The following MVB12B variants were observed in gnomAD, a reference collection of about 807,000 sequenced individuals.
MVB12B encodes multivesicular body subunit 12B, also known as ESCRT-I complex subunit MVB12B.
Under a neutral mutation model 41.6 loss-of-function variants are expected in MVB12B, and 16 were observed. The observed-to-expected ratio is 0.38, with a 90% CI of 0.26 to 0.58. MVB12B has a LOEUF of 0.58. MVB12B is among the 20% of genes least tolerant of loss of function. The pLI, the probability that MVB12B is intolerant of heterozygous loss-of-function variation, is 0.62. For synonymous variants in MVB12B, 133 were observed against 139.7 expected, an observed-to-expected ratio of 0.95 and a Z score of 0.34; for missense variants, 274 against 380.2, an observed-to-expected ratio of 0.72 and a Z score of 2.32.
chr9:126,441,706 A>G (rs1832644849), intron 7 of MVB12B, among the ~76,000 whole-genome samples: 1 of 144,018 alleles, frequency 6.9e-6, no homozygotes, highest in South Asian at 2.3e-4. Context: ...TTTCCCTAAT[A>G]GCTACAAAAC....
intron 3 of MVB12B, among the ~76,000 whole-genome samples, chr9:126,384,413 G>A (rs1421588889): frequency 6.6e-6 from 1 of 152,012 alleles, no homozygotes; most frequent in Non-Finnish European, 1.5e-5. Flanking sequence ...CTAATAATTG[G>A]TTTCATTTGT....
Position 126,386,306 on chromosome 9 carries a change from C to T in MVB12B, c.313-256C>T, listed in dbSNP as rs1830790466. Among the ~76,000 whole-genome samples the T allele has an allele frequency of 6.6e-6, 1 of 152,156 alleles. No individual in the cohort carries two copies. Among genetic ancestry groups the T allele is most frequent in the African/African-American group, 2.4e-5 (1 of 41,418 alleles). ...TGCTGGGTTATGTCTAAAGCATCTCCTGGGTTGCTCCTGCCTCACCAAGGC... is the reference window on the plus strand; with the variant it reads ...TGCTGGGTTATGTCTAAAGCATCTCTTGGGTTGCTCCTGCCTCACCAAGGC... On this transcript the variant is annotated intron_variant, in intron 3 of 9. Coordinates refer to ENST00000361171, the MANE Select transcript of MVB12B (RefSeq NM_033446.3). The surrounding 1 kb of genome is among the most constrained non-coding windows in gnomAD (Gnocchi z 4.3).
At position 126,477,953 on chromosome 9, in the gene MVB12B, TC is replaced by T. The variant is rs1298724358; in HGVS notation, c.758-3414del. 1.3e-5 allele frequency among the ~76,000 whole-genome samples: 2 copies of T among 152,096 alleles called. 1 individual carries two copies. The highest frequency in any genetic ancestry group is 2.9e-5 in the Non-Finnish European group (2 of 68,014). ...TTACGGGACCACCTATGTTTCTAGA[TC>T]CTTCTCTTTCAAAGACGTGATCATC... On this transcript the variant is annotated intron_variant, in intron 7 of 9. Coordinates refer to ENST00000361171, the MANE Select transcript of MVB12B (RefSeq NM_033446.3).
rs573103731 is a variant in MVB12B at position 126,423,000 on chromosome 9, C to T, written c.757+1052C>T. On this transcript the variant is annotated intron_variant, in intron 7 of 9. Coordinates refer to ENST00000361171, the MANE Select transcript of MVB12B (RefSeq NM_033446.3). ...CCAGGCTCTCCAAGGGGAGAGGGAACGTGTTTGTCTAAGAACAGCATCTCC... is the reference window on the plus strand; with the variant it reads ...CCAGGCTCTCCAAGGGGAGAGGGAATGTGTTTGTCTAAGAACAGCATCTCC... Among the ~76,000 whole-genome samples, 149 of 152,178 alleles carry T rather than the reference C, an allele frequency of 9.8e-4. 1 individual carries two copies. Among genetic ancestry groups the T allele is most frequent in the Middle Eastern group, 6.8e-3 (2 of 294 alleles).
intron 6 of MVB12B, among the ~76,000 whole-genome samples, chr9:126,402,557 C>T (rs1428330352): frequency 6.6e-6 from 1 of 152,162 alleles, no homozygotes; most frequent in Non-Finnish European, 1.5e-5. Flanking sequence ...GTGAGAGGAT[C>T]ACTTGAGCCC....
intron 1 of MVB12B, among the ~76,000 whole-genome samples, chr9:126,336,611 C>A (rs1208142537): frequency 6.6e-6 from 1 of 152,208 alleles, no homozygotes; most frequent in Non-Finnish European, 1.5e-5. Flanking sequence ...TTGCTCCTGG[C>A]TTTGTTGTGT....
chr9:126,503,224 G>T lies in MVB12B; in HGVS notation c.921G>T (p.Pro307=). The T allele has an allele frequency of 6.4e-7, 1 of 1,550,568 alleles. No homozygotes were observed. The highest frequency in any genetic ancestry group is 8.7e-7 in the Non-Finnish European group (1 of 1,146,980). ...AGCAGAGCGCAGCCGCCAGGCTCCC[G>T]CCCAGCCCCACCAGGTGTCAGCAGA... ...RTEQSAAARL[P]PSPTRCQQIP... Residue 307 remains proline, a synonymous_variant, in exon 10 of 10, where the codon CCG becomes CCT. Coordinates refer to ENST00000361171, the MANE Select transcript of MVB12B (RefSeq NM_033446.3).
At chr9:126,354,363 TTTTC>T (rs1161224702) in intron 2 of MVB12B, among the ~76,000 whole-genome samples, 4 of 152,354 alleles carry the variant, frequency 2.6e-5, no homozygotes, top group South Asian at 2.1e-4. Flanking sequence ...CTGTCAATCT[TTTTC>T]TTTCTTTCTT....
chr9:126,396,163 G>T (rs894776079), intron 6 of MVB12B: 1 of 988,362 alleles, frequency 1.0e-6, no homozygotes, highest in African/African-American at 1.7e-5. Flanking sequence ...GGTAGTTTGG[G>T]TATGAGAGAA....
intron 9 of MVB12B, among the ~76,000 whole-genome samples, chr9:126,496,837 G>T (rs1833846240): frequency 6.6e-6 from 1 of 152,058 alleles, no homozygotes; most frequent in Admixed American, 6.5e-5. Flanking sequence ...AAGGTGTTTT[G>T]TGAGATAGGG....
chr9:126,369,237 G>T (rs1038983292), intron 2 of MVB12B, among the ~76,000 whole-genome samples: 1 of 152,200 alleles, frequency 6.6e-6, no homozygotes, highest in Non-Finnish European at 1.5e-5. Context: ...GTCCTGTATT[G>T]TCTGTAGCAA....
chr9:126,377,140 A>C (rs748914525), intron 2 of MVB12B, among the ~76,000 whole-genome samples: 9 of 152,206 alleles, frequency 5.9e-5, no homozygotes, highest in Non-Finnish European at 1.2e-4. Flanking sequence ...GAATCCTGGC[A>C]GGAAGAGAGA....
In MVB12B at chr9:126,395,718, CT is replaced by C. The variant is rs757040105; in HGVS notation, c.662+23del. ...CCCAGGTGAGGCCTTGTCGGGGTGT[CT>C]TGCGTTGTCCTGTGGTCTTAGGTCC... On this transcript the variant is annotated intron_variant, in intron 6 of 9. Transcript: ENST00000361171. This position sits in a 1 kb window ranked among gnomAD's most constrained non-coding sequence, Gnocchi z 4.9. 8 of 1,613,530 alleles carry C rather than the reference CT, an allele frequency of 5.0e-6. No homozygotes were observed. The South Asian group carries it at 7.7e-5, about 16-fold the overall frequency.
chr9:126,487,346 C>T (rs10819169), intron 9 of MVB12B, among the ~76,000 whole-genome samples: 60,117 of 151,944 alleles, frequency 0.4, 12,779 homozygotes, highest in East Asian at 0.7. Context: ...CAGAGAAGGG[C>T]GTGAGTCGGC....
At chr9:126,456,204 T>A in intron 7 of MVB12B, among the ~76,000 whole-genome samples, 1 of 152,330 alleles carries the variant, frequency 6.6e-6, no homozygotes, top group Non-Finnish European at 1.5e-5. Flanking sequence ...TAGGTTATCT[T>A]GAACATCTCT....
At chr9:126,404,500 G>T (rs1831362266) in intron 6 of MVB12B, among the ~76,000 whole-genome samples, 1 of 152,260 alleles carries the variant, frequency 6.6e-6, no homozygotes, top group Non-Finnish European at 1.5e-5. Context: ...TGGTGGGTAG[G>T]TGGGGTGCCC....
intron 6 of MVB12B, among the ~76,000 whole-genome samples, chr9:126,414,783 A>T (rs1265016343): frequency 3.9e-5 from 6 of 151,970 alleles, no homozygotes; most frequent in African/African-American, 1.2e-4. Flanking sequence ...TGCTGTCCAT[A>T]AGTGCACCAG....
At position 126,481,782 on chromosome 9, in the gene MVB12B, G is replaced by A. The variant is rs568104188; in HGVS notation, c.813+358G>A. On this transcript the variant is annotated intron_variant, in intron 8 of 9. Transcript: ENST00000361171. ...TTGCCATGCCGCACGTGATTAACCC[G>A]ACCTGAGCTTCCCTGGTTGTGAATG... Among the ~76,000 whole-genome samples the A allele has an allele frequency of 4.6e-5, 7 of 152,312 alleles. No homozygotes were observed. In the East Asian group the frequency reaches 9.6e-4, roughly 21 times the overall value.
At chr9:126,345,040 C>T (rs767468890) in intron 2 of MVB12B, among the ~76,000 whole-genome samples, 15 of 152,314 alleles carry the variant, frequency 9.8e-5, no homozygotes, top group Non-Finnish European at 1.9e-4. Context: ...ATATGGCTTC[C>T]CATAGAGCAG....
Sources: gnomAD v4.1 joint callset for allele counts (sites outside exome capture counted in the v4.1 genomes callset) on GRCh38, gnomAD v4.1.1 for gene constraint, Gnocchi (gnomAD v3.1) non-coding constraint, MANE v1.5 for transcripts, NCBI Gene and HGNC (gene_info 2026-07-23, HGNC 2026-07-21) for gene names.